The following LIPA variants were observed in gnomAD, a reference collection of about 807,000 sequenced individuals.
LIPA encodes lysosomal acid lipase/cholesteryl ester hydrolase.
A neutral mutation model predicts 40.6 loss-of-function variants in LIPA; 26 were observed. The ratio of observed to expected loss-of-function variants is 0.64; its 90% confidence interval spans 0.47 to 0.89. LIPA has a LOEUF of 0.89. Among genes scored for constraint, LIPA ranks in the 40% least tolerant of loss-of-function variants. The pLI, the probability that LIPA is intolerant of heterozygous loss-of-function variation, is 0.00. For synonymous variants in LIPA, 188 were observed against 168.4 expected (o/e 1.12, Z -0.90); for missense variants, 455 against 479.6 (o/e 0.95, Z 0.48).
chr10:89,339,445 T>A, intron 1 of LIPA: 1 of 1,614,162 alleles, frequency 6.2e-7, no homozygotes, highest in South Asian at 1.1e-5. Context: ...TATTGAACTG[T>A]TTCAACGGGT....
intron 2 of LIPA, among the ~76,000 whole-genome samples, chr10:89,389,002 A>C (rs1844227244): frequency 6.6e-6 from 1 of 152,228 alleles, no homozygotes; most frequent in African/African-American, 2.4e-5. Context: ...GACTGGAAGT[A>C]GTTTAGGAAA....
At chr10:89,273,869 C>T (rs1843277627) in intron 1 of LIPA, among the ~76,000 whole-genome samples, 1 of 152,170 alleles carries the variant, frequency 6.6e-6, no homozygotes, top group Admixed American at 6.5e-5. Flanking sequence ...TGGGCTGAAA[C>T]CAGTCTGCCA....
chr10:89,248,864 C>T (rs1843074726), intron 1 of LIPA, among the ~76,000 whole-genome samples: 1 of 152,166 alleles, frequency 6.6e-6, no homozygotes. Context: ...TACCCATTCA[C>T]CTCCTAACCC....
upstream of LIPA, chr10:89,252,036 C>T (rs1843133048): frequency 6.6e-6 from 1 of 152,300 alleles, no homozygotes; most frequent in African/African-American, 2.4e-5. Flanking sequence ...AGGTCCACAG[C>T]TCTACCAGCG....
intron 2 of LIPA, among the ~76,000 whole-genome samples, chr10:89,409,382 G>A (rs367714603): frequency 1.2e-4 from 18 of 152,266 alleles, no homozygotes; most frequent in Admixed American, 3.3e-4. Flanking sequence ...CCAATCACCC[G>A]GTAGGGCTTG....
intron 2 of LIPA, among the ~76,000 whole-genome samples, chr10:89,388,712 T>A (rs1844225217): frequency 6.6e-6 from 1 of 152,148 alleles, no homozygotes; most frequent in Non-Finnish European, 1.5e-5. Flanking sequence ...ATGTCACTAT[T>A]TGGGGAATTT....
intron 2 of LIPA, chr10:89,405,361 GCAAGGCA>G (rs754329270): frequency 2.0e-5 from 3 of 152,128 alleles, no homozygotes; most frequent in Admixed American, 6.5e-5. Context: ...TTATTGAAAG[GCAAGGCA>G]CAACAAATAA....
intron 1 of LIPA, among the ~76,000 whole-genome samples, chr10:89,287,779 T>TC (rs1734760589): frequency 6.6e-6 from 1 of 152,002 alleles, no homozygotes; most frequent in Admixed American, 6.6e-5. Flanking sequence ...TCCTTACAAT[T>TC]CCCCCATTTT....
chr10:89,345,626 C>G (rs1843914242), upstream of LIPA, among the ~76,000 whole-genome samples: 1 of 151,942 alleles, frequency 6.6e-6, no homozygotes, highest in South Asian at 2.1e-4. Context: ...CCAAACAAAA[C>G]TTAGAAATAT....
intron 1 of LIPA, among the ~76,000 whole-genome samples, chr10:89,273,338 T>G (rs997063894): frequency 6.6e-6 from 1 of 152,164 alleles, no homozygotes; most frequent in African/African-American, 2.4e-5. Flanking sequence ...GGTTGCTGGA[T>G]GAGCCAGAGG....
chr10:89,357,911 C>A (rs1843996771), intron 2 of LIPA, among the ~76,000 whole-genome samples: 1 of 152,108 alleles, frequency 6.6e-6, no homozygotes, highest in Non-Finnish European at 1.5e-5. Context: ...TCAAAAGGTA[C>A]ACATTCCTCT....
chr10:89,391,745 G>T (rs1344527154), intron 2 of LIPA, among the ~76,000 whole-genome samples: 1 of 151,944 alleles, frequency 6.6e-6, no homozygotes. Flanking sequence ...GGCCACGATG[G>T]TCTCCATCTC....
intron 1 of LIPA, chr10:89,302,042 T>C: frequency 1.3e-6 from 2 of 1,550,034 alleles, no homozygotes; most frequent in South Asian, 1.1e-5. Flanking sequence ...CAGCATTTAT[T>C]GGTGGCAGAA....
intron 1 of LIPA, among the ~76,000 whole-genome samples, chr10:89,291,584 G>A (rs912758739): frequency 1.3e-5 from 2 of 152,042 alleles, no homozygotes; most frequent in African/African-American, 4.8e-5. Context: ...GAGACCACAA[G>A]GAGTCACATA....
At chr10:89,413,222 T>C (rs1361223367) in intron 1 of LIPA, among the ~76,000 whole-genome samples, 1 of 152,260 alleles carries the variant, frequency 6.6e-6, no homozygotes, top group Non-Finnish European at 1.5e-5. Context: ...ACCTAAGTTA[T>C]TCCAAATGTA....
At position 89,320,572 on chromosome 10, in the gene LIPA, C is replaced by T. The variant is rs1035043340; in HGVS notation, c.-2+22039G>A. Among the ~76,000 whole-genome samples the T allele has an allele frequency of 1.9e-3, 290 of 152,192 alleles. 1 individual carries two copies. Among genetic ancestry groups the T allele is most frequent in the Middle Eastern group, 6.8e-3 (2 of 294 alleles). ...CACTGCTCAATGAAATAAAAGAGGA[C>T]ACAAACAAATGGAAGAACATTCCAT... On this transcript the variant is annotated intron_variant, in intron 1 of 5. Transcript: ENST00000282673.
At chr10:89,219,366 G>A (rs1057167279) in intron 8 of LIPA, among the ~76,000 whole-genome samples, 2 of 152,138 alleles carry the variant, frequency 1.3e-5, no homozygotes, top group African/African-American at 4.8e-5. Flanking sequence ...ACAGGTGAGA[G>A]TACCTGGGCT....
chr10:89,355,403 A>G (rs2133588951), intron 2 of LIPA, among the ~76,000 whole-genome samples: 1 of 152,226 alleles, frequency 6.6e-6, no homozygotes, highest in East Asian at 1.9e-4. Flanking sequence ...TTTCTCACTG[A>G]TACAATTTTT....
At chr10:89,241,392 C>T (rs1589568236) in intron 3 of LIPA, among the ~76,000 whole-genome samples, 1 of 152,130 alleles carries the variant, frequency 6.6e-6, no homozygotes, top group South Asian at 2.1e-4. Flanking sequence ...CATGTCTGTT[C>T]GGCACCACCA....
Sources: allele counts gnomAD v4.1 joint callset (sites outside exome capture counted in the v4.1 genomes callset), GRCh38; gene constraint gnomAD v4.1.1; transcripts MANE v1.5; gene names NCBI Gene and HGNC (gene_info 2026-07-23, HGNC 2026-07-21).